The following PCDHGA2 variants were observed in gnomAD, a reference collection of about 807,000 sequenced individuals.
PCDHGA2 encodes the protein protocadherin gamma-A2.
PCDHGA2 carries 40 observed loss-of-function variants against 59.2 expected under a neutral mutation model. The ratio of observed to expected loss-of-function variants is 0.68; its 90% confidence interval spans 0.52 to 0.88. The LOEUF is 0.88. Among genes scored for constraint, PCDHGA2 ranks in the 40% least tolerant of loss-of-function variants. PCDHGA2 has a pLI of 0.00. For synonymous variants in PCDHGA2, 560 were observed against 526.0 expected (o/e 1.06, Z -0.89); for missense variants, 1,226 against 1,204.0 (o/e 1.02, Z -0.27).
chr5:141,356,762 A>T lies in PCDHGA2; in HGVS notation c.2424+15367A>T, dbSNP rs1431097659. 9 of 1,613,834 alleles carry T rather than the reference A, an allele frequency of 5.6e-6. No homozygotes were observed. The South Asian group carries it at 8.8e-5, about 16-fold the overall frequency. On this transcript the variant is annotated intron_variant, in intron 1 of 3. Transcript: ENST00000394576. ...ATCCTATATGCTCTTTGCTCCTTCG[A>T]CTATGAGCAGTTTAGAGACCTGCAG...
At chr5:141,421,985 C>A (rs762388624) in intron 1 of PCDHGA2, 1 of 1,608,432 alleles carries the variant, frequency 6.2e-7, no homozygotes, top group East Asian at 2.2e-5. Flanking sequence ...GTGAGTGTTC[C>A]AGAAAACATC....
intron 1 of PCDHGA2, chr5:141,392,779 T>A: frequency 6.5e-7 from 1 of 1,534,720 alleles, no homozygotes; most frequent in Non-Finnish European, 8.8e-7. Flanking sequence ...TTATGCACAG[T>A]GAAGATTCTG....
At chr5:141,455,552 G>T (rs897699654) in intron 1 of PCDHGA2, among the ~76,000 whole-genome samples, 1 of 152,144 alleles carries the variant, frequency 6.6e-6, no homozygotes, top group African/African-American at 2.4e-5. Flanking sequence ...CGTAGCCCGA[G>T]AAAAAGCTGG....
At chr5:141,460,616 TAGAC>T (rs533223594) in intron 1 of PCDHGA2, among the ~76,000 whole-genome samples, 44 of 152,232 alleles carry the variant, frequency 2.9e-4, no homozygotes, top group Middle Eastern at 3.4e-3. Context: ...GATGGATAGA[TAGAC>T]AGATACAGAT....
intron 1 of PCDHGA2, chr5:141,355,795 G>A: frequency 1.9e-6 from 3 of 1,613,406 alleles, no homozygotes; most frequent in Middle Eastern, 1.7e-4. Context: ...GCTGGAACGC[G>A]CTCTAGATCG....
rs759220286 is a variant in PCDHGA2 at position 141,490,018 on chromosome 5, C to G, written c.2425-4789C>G. The G allele has an allele frequency of 6.2e-7, 1 of 1,614,252 alleles. No individual in the cohort carries two copies. Among genetic ancestry groups the G allele is most frequent in the Non-Finnish European group, 8.5e-7 (1 of 1,180,038 alleles). ...CCCAGAGAATGCACCCATTGGTACTCTGCTGCTCCGCCTCAATGCCACTGA... is the reference window on the plus strand; with the variant it reads ...CCCAGAGAATGCACCCATTGGTACTGTGCTGCTCCGCCTCAATGCCACTGA... On this transcript the variant is annotated intron_variant, in intron 1 of 3. Transcript: ENST00000394576. This position sits in a 1 kb window ranked among gnomAD's most constrained non-coding sequence, Gnocchi z 5.4.
chr5:141,432,992 G>A lies in PCDHGA2; in HGVS notation c.2425-61815G>A, dbSNP rs777975384. On this transcript the variant is annotated intron_variant, in intron 1 of 3. Coordinates refer to ENST00000394576, the MANE Select transcript of PCDHGA2 (RefSeq NM_018915.4). The surrounding 1 kb of genome is among the most constrained non-coding windows in gnomAD (Gnocchi z 6.0). The stretch of plus-strand genomic sequence containing the variant: ...GGCGTCGCACTTTGTGGGCGTGGAC[G>A]GGGTGCAGGCTTTCCTGCAGACCTA... 1.9e-6 allele frequency: 3 copies of A among 1,614,174 alleles called. No homozygotes were observed. In the Admixed American group the frequency reaches 5.0e-5, roughly 27 times the overall value.
intron 1 of PCDHGA2, among the ~76,000 whole-genome samples, chr5:141,455,783 T>G (rs1475277198): frequency 1.3e-5 from 2 of 152,066 alleles, no homozygotes; most frequent in Non-Finnish European, 2.9e-5. Context: ...AAAAGAAACT[T>G]TTCCGGAGAT....
At chr5:141,410,698 C>G in intron 1 of PCDHGA2, 1 of 1,482,836 alleles carries the variant, frequency 6.7e-7, no homozygotes, top group Non-Finnish European at 9.0e-7. Context: ...ACTTTATTTT[C>G]ATATCTAGAA....
chr5:141,434,474 A>G (rs979175338), intron 1 of PCDHGA2, among the ~76,000 whole-genome samples: 2 of 152,222 alleles, frequency 1.3e-5, no homozygotes, highest in Non-Finnish European at 2.9e-5. Context: ...GAATGAGGGC[A>G]AGGAACACCT....
intron 1 of PCDHGA2, chr5:141,403,564 G>A (rs2094422320): frequency 2.5e-6 from 4 of 1,613,834 alleles, no homozygotes; most frequent in Non-Finnish European, 2.5e-6. Context: ...ACAGGGAGGA[G>A]GCAACTGCCC....
chr5:141,366,149 C>T lies in PCDHGA2; in HGVS notation c.2424+24754C>T, dbSNP rs532159175. The stretch of plus-strand genomic sequence containing the variant: ...AGGCCAGAACGCCTGGCTGTCCTAC[C>T]GCCTGCTTAAGGCCAGCGAGCCAGG... On this transcript the variant is annotated intron_variant, in intron 1 of 3. Transcript: ENST00000394576. 9.9e-6 allele frequency: 16 copies of T among 1,614,042 alleles called. No homozygotes were observed. In the South Asian group the frequency reaches 1.5e-4, roughly 16 times the overall value.
intron 1 of PCDHGA2, chr5:141,388,316 G>A: frequency 6.2e-7 from 1 of 1,613,866 alleles, no homozygotes; most frequent in South Asian, 1.1e-5. Flanking sequence ...AAATAAGTGA[G>A]TCTGCACAGC....
rs768767029 is a variant in PCDHGA2, at chr5:141,477,838, G to A, written c.2425-16969G>A. The A allele has an allele frequency of 6.2e-7, 1 of 1,612,892 alleles. No individual in the cohort carries two copies. The highest frequency in any genetic ancestry group is 1.1e-5 in the South Asian group (1 of 90,982). ...AGGTCCTATATCCTCGGCCAGGTGG[G>A]AGCTCGGTGGAGATGCTGCCTCGAG... On this transcript the variant is annotated intron_variant, in intron 1 of 3. Transcript: ENST00000394576. This position sits in a 1 kb window ranked among gnomAD's most constrained non-coding sequence, Gnocchi z 4.9.
At chr5:141,345,170 T>G in intron 1 of PCDHGA2, 1 of 1,614,000 alleles carries the variant, frequency 6.2e-7, no homozygotes, top group East Asian at 2.2e-5. Flanking sequence ...CTGGGCAGAA[T>G]GGGCAGGTTG....
At chr5:141,450,919 G>A (rs1489017891) in intron 1 of PCDHGA2, among the ~76,000 whole-genome samples, 2 of 151,024 alleles carry the variant, frequency 1.3e-5, no homozygotes, top group African/African-American at 4.9e-5. Context: ...CTGCCTCCCA[G>A]ATTCAAGCAA....
intron 1 of PCDHGA2, chr5:141,343,189 T>C (rs941725783): frequency 1.8e-6 from 1 of 565,512 alleles, no homozygotes; most frequent in African/African-American, 2.0e-5. Context: ...CCCAAACATA[T>C]TGTCTGATGC....
chr5:141,383,553 C>T (rs765903383), intron 1 of PCDHGA2: 3 of 1,612,130 alleles, frequency 1.9e-6, no homozygotes, highest in South Asian at 2.2e-5. Flanking sequence ...CTGATGGCGG[C>T]GACCCGCCCC....
intron 1 of PCDHGA2, chr5:141,385,044 G>T: frequency 1.9e-6 from 3 of 1,614,146 alleles, no homozygotes; most frequent in South Asian, 2.2e-5. Context: ...TGGCGCTCAG[G>T]CTGCGGCGCT....
Sources: gnomAD v4.1 joint callset for allele counts (sites outside exome capture counted in the v4.1 genomes callset) on GRCh38, gnomAD v4.1.1 for gene constraint, Gnocchi (gnomAD v3.1) non-coding constraint, MANE v1.5 for transcripts, NCBI Gene and HGNC (gene_info 2026-07-23, HGNC 2026-07-21) for gene names.